SP5: variants seen among roughly 807,000 people sequenced by gnomAD.
SP5 encodes Sp5 transcription factor, also known as transcription factor Sp5.
A neutral mutation model predicts 27.4 loss-of-function variants in SP5; 12 were observed. That is an observed-to-expected ratio of 0.44 (90% confidence interval 0.28 to 0.71). SP5 has a LOEUF of 0.71. SP5 is among the 30% of genes least tolerant of loss of function. SP5 has a pLI of 0.15. For missense variants in SP5, 660 were observed against 589.8 expected (o/e 1.12, Z -1.23); for synonymous variants, 330 against 290.7 (o/e 1.14, Z -1.38).
Position 170,716,337 on chromosome 2 carries a change from G to T in SP5, c.130G>T (p.Gly44Cys), listed in dbSNP as rs1031561629. ...ALLAATCSRI[G>C]QPGAAAPPDF... Reference sequence around the variant, plus strand: ...GCTGGCCGCCACCTGTAGCCGCATCGGCCAGCCGGGCGCGGCGGCGCCCCC... The same window carrying T: ...GCTGGCCGCCACCTGTAGCCGCATCTGCCAGCCGGGCGCGGCGGCGCCCCC... Residue 44 changes from glycine to cysteine, a missense_variant, in exon 2 of 2, where the codon GGC becomes TGC. Gly to Cys is a radical substitution (Grantham distance 159). Coordinates refer to ENST00000375281, the MANE Select transcript of SP5 (RefSeq NM_001003845.3). 1.3e-6 allele frequency: 2 copies of T among 1,595,812 alleles called. No individual in the cohort carries two copies. The highest frequency in any genetic ancestry group is 2.7e-5 in the African/African-American group (2 of 74,746).
At chr2:170,715,921 G>T in intron 1 of SP5, 1 of 1,338,170 alleles carries the variant, frequency 7.5e-7, no homozygotes, top group South Asian at 1.9e-5. Flanking sequence ...GGGGTTGTGG[G>T]TGTTTCCCGA....
At chr2:170,716,132 G>T in intron 1 of SP5, 127 bp from the exon 2 acceptor site, 1 of 1,405,868 alleles carries the variant, frequency 7.1e-7, no homozygotes, top group Non-Finnish European at 9.2e-7. Flanking sequence ...GGTGGCGGGG[G>T]AGGGACGGCC....
Position 170,717,425 on chromosome 2 carries a change from C to T in SP5, c.*21C>T. On this transcript the variant is annotated 3_prime_UTR_variant, in exon 2 of 2. Coordinates refer to ENST00000375281, the MANE Select transcript of SP5 (RefSeq NM_001003845.3). ...TGTGAGCCCTCCCGGAGGTGGACCC[C>T]CTTCCCAGCACCTCTGCGAGAGATC... 6.2e-7 allele frequency: 1 copy of T among 1,607,372 alleles called. No homozygotes were observed. Among genetic ancestry groups the T allele is most frequent in the Non-Finnish European group, 8.5e-7 (1 of 1,179,298 alleles).
Position 170,716,685 on chromosome 2 carries a change from T to G in SP5, c.478T>G (p.Ser160Ala). Residue 160 changes from serine to alanine, a missense_variant, in exon 2 of 2, where the codon TCC (serine) becomes GCC (alanine). Ser to Ala is a moderately conservative substitution (Grantham distance 99). Coordinates refer to ENST00000375281, the MANE Select transcript of SP5 (RefSeq NM_001003845.3). ...AAQAALPPGYSNLLPPPPPPP... is the reference protein window; with the variant it reads ...AAQAALPPGYANLLPPPPPPP... ...GCAGGCCGCGCTGCCGCCAGGCTAC[T>G]CCAACCTGCTGCCTCCGCCGCCGCC... 1 of 1,570,250 alleles carries G rather than the reference T, an allele frequency of 6.4e-7. No individual in the cohort carries two copies. Among genetic ancestry groups the G allele is most frequent in the Non-Finnish European group, 8.6e-7 (1 of 1,165,702 alleles).
rs747594475 is a variant in SP5 at position 170,716,598 on chromosome 2, C to T, written c.391C>T (p.Leu131=). The change falls in exon 2 of 2, where the codon CTG becomes TTG. Residue 131 remains leucine (L), a synonymous_variant. Transcript: ENST00000375281. ...YPYEFSPVKM[L]PSSMAALPAS... is the part of the protein sequence containing the mutation. The stretch of plus-strand genomic sequence containing the variant: ...CTACGAGTTCTCGCCGGTCAAGATG[C>T]TGCCCTCGAGCATGGCGGCTCTGCC... 7.1e-5 allele frequency: 114 copies of T among 1,610,042 alleles called. No homozygotes were observed. Among genetic ancestry groups the T allele is most frequent in the Non-Finnish European group, 9.5e-5 (112 of 1,178,854 alleles).
rs1247268700 is a variant in SP5 at position 170,716,663 on chromosome 2, G to A, written c.456G>A (p.Gln152=). The change falls in exon 2 of 2, where the codon CAG becomes CAA. Residue 152 remains glutamine (Q), a synonymous_variant. Coordinates refer to ENST00000375281, the MANE Select transcript of SP5 (RefSeq NM_001003845.3). The part of the protein sequence containing the change: ...CAPAYVPYAA[Q]AALPPGYSNL... ...CCGCCTACGTGCCCTACGCGGCGCAGGCCGCGCTGCCGCCAGGCTACTCCA... is the reference window on the plus strand; with the variant it reads ...CCGCCTACGTGCCCTACGCGGCGCAAGCCGCGCTGCCGCCAGGCTACTCCA... 1.2e-5 allele frequency: 19 copies of A among 1,599,428 alleles called. No homozygotes were observed. The highest frequency in any genetic ancestry group is 1.6e-5 in the Non-Finnish European group (19 of 1,175,722).
Position 170,716,444 on chromosome 2 carries a change from G to T in SP5, c.237G>T (p.Ala79=). 1 of 1,603,284 alleles carries T rather than the reference G, an allele frequency of 6.2e-7. No individual in the cohort carries two copies. ...LFHPWTADMP[A]HSPGALPPPH... The stretch of plus-strand genomic sequence containing the variant: ...ACCCGTGGACCGCCGACATGCCGGC[G>T]CACTCGCCAGGCGCACTGCCGCCCC... The change falls in exon 2 of 2, where the codon GCG becomes GCT. Residue 79 remains alanine (A), a synonymous_variant. Coordinates refer to ENST00000375281, the MANE Select transcript of SP5 (RefSeq NM_001003845.3).
In SP5 at chr2:170,717,251, G is replaced by A. The variant is rs762427073; in HGVS notation, c.1044G>A (p.Arg348=). Reference sequence around the variant, plus strand: ...CGGACGAGCTGCAGCGGCACCTGCGGACTCACACGGGCGAGAAGCGCTTTG... The same window carrying A: ...CGGACGAGCTGCAGCGGCACCTGCGAACTCACACGGGCGAGAAGCGCTTTG... ...TRSDELQRHL[R]THTGEKRFAC... Residue 348 remains arginine (R), a synonymous_variant, in exon 2 of 2, where the codon CGG becomes CGA. Transcript: ENST00000375281. 1.9e-6 allele frequency: 3 copies of A among 1,610,038 alleles called. No individual in the cohort carries two copies. Among genetic ancestry groups the A allele is most frequent in the Admixed American group, 1.7e-5 (1 of 59,894 alleles).
Position 170,716,241 on chromosome 2 carries a change from C to T in SP5, c.52-18C>T. 1 of 1,577,680 alleles carries T rather than the reference C, an allele frequency of 6.3e-7. No homozygotes were observed. The highest frequency in any genetic ancestry group is 8.5e-7 in the Non-Finnish European group (1 of 1,173,630). ...TAACCTTTTGTCTCTTCTCCGCCCTCCCTCGCCGCCTATGCAGGACCGCAC... is the reference window on the plus strand; with the variant it reads ...TAACCTTTTGTCTCTTCTCCGCCCTTCCTCGCCGCCTATGCAGGACCGCAC... On this transcript the variant is annotated intron_variant, in intron 1 of 1. Coordinates refer to ENST00000375281, the MANE Select transcript of SP5 (RefSeq NM_001003845.3).
In SP5 at chr2:170,717,558, T is replaced by C; in HGVS notation, c.*154T>C. Reference sequence around the variant, plus strand: ...TTCCAACTTCCGCTGCCTTCGGACATAGGGACCCAGTTCCCAGGAGCGGGG... The same window carrying C: ...TTCCAACTTCCGCTGCCTTCGGACACAGGGACCCAGTTCCCAGGAGCGGGG... On this transcript the variant is annotated 3_prime_UTR_variant, in exon 2 of 2. Transcript: ENST00000375281. The C allele has an allele frequency of 9.7e-7, 1 of 1,033,440 alleles. No individual in the cohort carries two copies. Among genetic ancestry groups the C allele is most frequent in the East Asian group, 2.6e-5 (1 of 38,422 alleles). 64.0% of individuals were successfully genotyped at this position (1,033,440 alleles called of 1,614,324 possible). A position where few individuals can be genotyped will look rare whatever the true frequency, so the allele number is the denominator to read the frequency against.
rs778207384 is a variant in SP5, at chr2:170,716,381, C to T, written c.174C>T (p.Pro58=). ...CGCCCCCGGACTTCCTGCAGGTGCC[C>T]TACGACCCCGCGCTGGGCTCACCCT... ...AAAPPDFLQV[P]YDPALGSPSR... Residue 58 remains proline (P), a synonymous_variant, in exon 2 of 2, where the codon CCC becomes CCT. Coordinates refer to ENST00000375281, the MANE Select transcript of SP5 (RefSeq NM_001003845.3). 6.3e-7 allele frequency: 1 copy of T among 1,597,846 alleles called. No homozygotes were observed. Among genetic ancestry groups the T allele is most frequent in the Non-Finnish European group, 8.5e-7 (1 of 1,178,916 alleles).
chr2:170,715,872 A>G lies in SP5; in HGVS notation c.51+309A>G, dbSNP rs1054506986. ...GAGGAGCGCGAAGGCAGTGAGGACA[A>G]GAGAGCTTAAAAGATGGGAGGGAGA... On this transcript the variant is annotated intron_variant, in intron 1 of 1. Coordinates refer to ENST00000375281, the MANE Select transcript of SP5 (RefSeq NM_001003845.3). 1.1e-5 allele frequency: 11 copies of G among 985,262 alleles called. No homozygotes were observed. In the African/African-American group the frequency reaches 1.9e-4, roughly 17 times the overall value. 61.0% of individuals were successfully genotyped at this position (985,262 alleles called of 1,614,324 possible).
Position 170,715,500 on chromosome 2 carries a change from G to C in SP5, c.-13G>C. ...CGTCCCGCTCCGCAGCCAGGGGCCT[G>C]CAAGCCGTAGCCATGGCCGCGGTGG... is the stretch of plus-strand genomic sequence containing the variant. On this transcript the variant is annotated 5_prime_UTR_variant, in exon 1 of 2. Coordinates refer to ENST00000375281, the MANE Select transcript of SP5 (RefSeq NM_001003845.3). 6.5e-7 allele frequency: 1 copy of C among 1,549,734 alleles called. No homozygotes were observed. Among genetic ancestry groups the C allele is most frequent in the Non-Finnish European group, 8.7e-7 (1 of 1,147,284 alleles).
In SP5 at chr2:170,717,308, C is replaced by T. The variant is rs370576665; in HGVS notation, c.1101C>T (p.Arg367=). The T allele has an allele frequency of 1.1e-5, 17 of 1,610,022 alleles. No individual in the cohort carries two copies. The highest frequency in any genetic ancestry group is 1.4e-5 in the Non-Finnish European group (17 of 1,179,908). ...ACPECGKRFM[R]SDHLAKHVKT... ...CCGAGTGCGGCAAGCGCTTCATGCGCAGCGACCACCTCGCGAAGCACGTCA... is the reference window on the plus strand; with the variant it reads ...CCGAGTGCGGCAAGCGCTTCATGCGTAGCGACCACCTCGCGAAGCACGTCA... Residue 367 remains arginine (R), a synonymous_variant, in exon 2 of 2, where the codon CGC becomes CGT. Coordinates refer to ENST00000375281, the MANE Select transcript of SP5 (RefSeq NM_001003845.3).
chr2:170,715,670 G>A (rs998886942), intron 1 of SP5, 107 bp downstream of exon 1: 7 of 1,468,594 alleles, frequency 4.8e-6, no homozygotes, highest in Admixed American at 2.4e-5. Context: ...CCGCCGATGG[G>A]TGCAGCTGGA....
Position 170,717,643 on chromosome 2 carries a change from C to T in SP5, c.*239C>T. On this transcript the variant is annotated 3_prime_UTR_variant, in exon 2 of 2. Coordinates refer to ENST00000375281, the MANE Select transcript of SP5 (RefSeq NM_001003845.3). ...TTGGGAGCTCTGCCGTACGCCAGGG[C>T]GGTTCCAAACTCTAAACCGTTCCCA... 1.0e-5 allele frequency: 6 copies of T among 600,870 alleles called. No individual in the cohort carries two copies. The highest frequency in any genetic ancestry group is 1.7e-5 in the Non-Finnish European group (6 of 346,356). The allele number at this position is 600,870 out of a possible 1,614,324, so 37.2% of individuals were successfully genotyped here. A position where few individuals can be genotyped will look rare whatever the true frequency, so the allele number is the denominator to read the frequency against.
In SP5 at chr2:170,716,074, G is replaced by T. The variant is rs1575381174; in HGVS notation, c.52-185G>T. ...CTCGCGGGCCCCACGTTCAGGTAGC[G>T]CAGGCACCAAAAGTTTCCCTCGGCC... On this transcript the variant is annotated intron_variant, in intron 1 of 1. Transcript: ENST00000375281. 4.8e-5 allele frequency: 67 copies of T among 1,400,134 alleles called. 2 individuals are homozygous for T. In the East Asian group the frequency reaches 1.9e-3, roughly 39 times the overall value. The allele number at this position is 1,400,134 out of a possible 1,614,324, so 86.7% of individuals were successfully genotyped here.
rs896158203 is a variant in SP5, at chr2:170,717,552, C to G, written c.*148C>G. On this transcript the variant is annotated 3_prime_UTR_variant, in exon 2 of 2. Coordinates refer to ENST00000375281, the MANE Select transcript of SP5 (RefSeq NM_001003845.3). The stretch of plus-strand genomic sequence containing the variant: ...CCAGGCTTCCAACTTCCGCTGCCTT[C>G]GGACATAGGGACCCAGTTCCCAGGA... 31 of 1,087,812 alleles carry G rather than the reference C, an allele frequency of 2.8e-5. No homozygotes were observed. Among genetic ancestry groups the G allele is most frequent in the Non-Finnish European group, 3.5e-5 (27 of 770,984 alleles). 67.4% of individuals were successfully genotyped at this position (1,087,812 alleles called of 1,614,324 possible).
In SP5 at chr2:170,716,518, C is replaced by T. The variant is rs780569491; in HGVS notation, c.311C>T (p.Ser104Phe). Residue 104 changes from serine (S) to phenylalanine (F), a missense_variant, in exon 2 of 2, where the codon TCC becomes TTC. By Grantham distance (155) the Ser-to-Phe change is radical. Transcript: ENST00000375281. The stretch of plus-strand genomic sequence containing the variant: ...CCGCAGAAGACGCACCTGCAGCCGT[C>T]CTTCGGGGCTGCGCACGAGCTTCCC... ...LTPQKTHLQP[S>F]FGAAHELPLT... 1.2e-6 allele frequency: 2 copies of T among 1,611,150 alleles called. No individual in the cohort carries two copies. The highest frequency in any genetic ancestry group is 4.5e-5 in the East Asian group (2 of 44,818).
Sources: allele counts gnomAD v4.1 joint callset, GRCh38; gene constraint gnomAD v4.1.1; transcripts MANE v1.5; gene names NCBI Gene and HGNC (gene_info 2026-07-23, HGNC 2026-07-21).